Variants in CCDC171 observed in about 807,000 individuals in gnomAD.
CCDC171 encodes coiled-coil domain-containing protein 171.
CCDC171 carries 177 observed loss-of-function variants against 168.2 expected under a neutral mutation model. That is an observed-to-expected ratio of 1.05 (90% CI 0.93 to 1.19). The LOEUF (loss-of-function observed/expected upper bound fraction) is 1.19, where lower values mean the gene tolerates loss of function less well. Among genes scored for constraint, CCDC171 ranks in the 50% most tolerant of loss-of-function variants. CCDC171 has a pLI of 0.00. For missense variants in CCDC171, 1,991 were observed against 1,539.0 expected, an observed-to-expected ratio of 1.29 and a Z score of -4.91; for synonymous variants, 687 against 540.8, an observed-to-expected ratio of 1.27 and a Z score of -3.75.
the CCDC171 span, among the ~76,000 whole-genome samples, chr9:16,075,694 A>T: frequency 6.6e-6 from 1 of 152,202 alleles, no homozygotes; most frequent in Admixed American, 6.5e-5. Context: ...CTATCAGGCC[A>T]CAGCTTTAGT....
chr9:15,790,861 C>A (rs1323002409), intron 21 of CCDC171, among the ~76,000 whole-genome samples: 1 of 152,190 alleles, frequency 6.6e-6, no homozygotes, highest in Non-Finnish European at 1.5e-5. Flanking sequence ...GGAATCCTTT[C>A]CCCATTTCTT....
At chr9:15,836,392 G>A (rs1039621410) in intron 21 of CCDC171, among the ~76,000 whole-genome samples, 42 of 152,244 alleles carry the variant, frequency 2.8e-4, no homozygotes, top group African/African-American at 1.0e-3. Flanking sequence ...TTGAAACGGA[G>A]TCTCTCTCTG....
the CCDC171 span, among the ~76,000 whole-genome samples, chr9:16,097,218 GAT>G: frequency 6.6e-6 from 1 of 151,282 alleles, no homozygotes; most frequent in Non-Finnish European, 1.5e-5. Flanking sequence ...AGTCCGAACA[GAT>G]GAGATAGAAT....
At chr9:15,563,470 TG>T (rs1162291663) in intron 1 of CCDC171, among the ~76,000 whole-genome samples, 1 of 152,168 alleles carries the variant, frequency 6.6e-6, no homozygotes, top group East Asian at 1.9e-4. Context: ...TTGGTTTTCT[TG>T]GTAGAAAAAT....
At chr9:15,708,406 C>T (rs2133984297) in intron 11 of CCDC171, among the ~76,000 whole-genome samples, 1 of 152,286 alleles carries the variant, frequency 6.6e-6, no homozygotes, top group South Asian at 2.1e-4. Context: ...TTGACTTATC[C>T]TATGACAGTA....
chr9:15,627,774 C>T (rs2045291689), intron 7 of CCDC171, among the ~76,000 whole-genome samples: 1 of 152,138 alleles, frequency 6.6e-6, no homozygotes, highest in African/African-American at 2.4e-5. Context: ...TGATGTGGTG[C>T]TGAGAAGAAT....
At chr9:15,929,126 T>G (rs890441125) in intron 25 of CCDC171, among the ~76,000 whole-genome samples, 3 of 151,586 alleles carry the variant, frequency 2.0e-5, no homozygotes, top group Admixed American at 6.6e-5. Flanking sequence ...TATAGTTCTA[T>G]TCCACAGTGA....
At chr9:15,698,102 C>A (rs981159942) in intron 11 of CCDC171, among the ~76,000 whole-genome samples, 1 of 152,028 alleles carries the variant, frequency 6.6e-6, no homozygotes, top group Admixed American at 6.5e-5. Context: ...GAACTTATTT[C>A]TTCTAACTAT....
chr9:16,095,655 A>G, the CCDC171 span, among the ~76,000 whole-genome samples: 2 of 152,028 alleles, frequency 1.3e-5, no homozygotes, highest in African/African-American at 2.4e-5. Context: ...AAAGGAAGAC[A>G]TAAGGGTGGG....
At chr9:15,907,968 C>G (rs1822970774) in intron 24 of CCDC171, among the ~76,000 whole-genome samples, 2 of 152,042 alleles carry the variant, frequency 1.3e-5, no homozygotes, top group South Asian at 2.1e-4. Flanking sequence ...CCATCTCACA[C>G]CATTTAGAAT....
At chr9:15,719,678 AATGTTC>A (rs1169100059) in intron 11 of CCDC171, among the ~76,000 whole-genome samples, 1 of 152,168 alleles carries the variant, frequency 6.6e-6, no homozygotes, top group Non-Finnish European at 1.5e-5. Context: ...AGAATATAAG[AATGTTC>A]ATAGGTCAGT....
intron 3 of CCDC171, among the ~76,000 whole-genome samples, chr9:15,572,387 A>G (rs1006215942): frequency 1.3e-5 from 2 of 152,166 alleles, no homozygotes; most frequent in African/African-American, 4.8e-5. Flanking sequence ...AGTGGGAAGA[A>G]TATCAAATTA....
At chr9:15,794,263 A>G (rs1339429050) in intron 21 of CCDC171, among the ~76,000 whole-genome samples, 10 of 152,218 alleles carry the variant, frequency 6.6e-5, no homozygotes, top group African/African-American at 2.4e-4. Context: ...TCAGGAGTTC[A>G]AAAGCAGCCT....
At chr9:15,700,002 G>A (rs1588035430) in intron 11 of CCDC171, among the ~76,000 whole-genome samples, 2 of 152,366 alleles carry the variant, frequency 1.3e-5, no homozygotes, top group African/African-American at 4.8e-5. Context: ...CCGCACCCGG[G>A]CTGCAGGTGG....
chr9:15,950,117 G>T lies in CCDC171; in HGVS notation c.3754-21492G>T, dbSNP rs537987919. Reference sequence around the variant, plus strand: ...ATGAGCAAAGCCTCCAAGAAATATGGGACTATGTGAAAAGACCAAATCTAC... The same window carrying T: ...ATGAGCAAAGCCTCCAAGAAATATGTGACTATGTGAAAAGACCAAATCTAC... On this transcript the variant is annotated intron_variant, in intron 25 of 25. Transcript: ENST00000380701. 2.6e-3 allele frequency among the ~76,000 whole-genome samples: 400 copies of T among 152,202 alleles called. 1 individual carries two copies. The highest frequency in any genetic ancestry group is 9.4e-3 in the African/African-American group (391 of 41,538).
At chr9:15,672,427 A>G (rs1013066485) in intron 9 of CCDC171, among the ~76,000 whole-genome samples, 2 of 152,174 alleles carry the variant, frequency 1.3e-5, no homozygotes, top group Non-Finnish European at 2.9e-5. Flanking sequence ...GTCTTTGCTC[A>G]TGCCTATGTC....
rs373341125 is a variant in CCDC171, at chr9:15,782,442, G to A, written c.3082-2067G>A. ...ACAGAATTGAGCCAGTCTCTGGGAC[G>A]GATGGATGGACAAGAGAGGCTAAAA... On this transcript the variant is annotated intron_variant, in intron 20 of 25. Coordinates refer to ENST00000380701, the MANE Select transcript of CCDC171 (RefSeq NM_173550.4). 1.6e-4 allele frequency among the ~76,000 whole-genome samples: 25 copies of A among 152,228 alleles called. 3 individuals are homozygous for A. Among genetic ancestry groups the A allele is most frequent in the East Asian group, 7.7e-4 (4 of 5,176 alleles).
At chr9:15,866,188 G>C (rs1205262292) in intron 23 of CCDC171, among the ~76,000 whole-genome samples, 1 of 151,928 alleles carries the variant, frequency 6.6e-6, no homozygotes, top group African/African-American at 2.4e-5. Context: ...AATGGAAGGA[G>C]TGGGGAGCAA....
At chr9:15,789,621 C>T (rs944449067) in intron 21 of CCDC171, among the ~76,000 whole-genome samples, 16 of 152,050 alleles carry the variant, frequency 1.1e-4, no homozygotes, top group African/African-American at 3.9e-4. Flanking sequence ...TTAAATTATA[C>T]TTTAAGTTCT....
Sources: allele counts gnomAD v4.1 joint callset (sites outside exome capture counted in the v4.1 genomes callset), GRCh38; gene constraint gnomAD v4.1.1; transcripts MANE v1.5; gene names NCBI Gene and HGNC (gene_info 2026-07-23, HGNC 2026-07-21).